The following SUMF1 variants were observed in gnomAD, a reference collection of about 807,000 sequenced individuals.
SUMF1 encodes formylglycine-generating enzyme.
SUMF1 carries 48 observed loss-of-function variants against 47.6 expected under a neutral mutation model. The observed-to-expected ratio is 1.01, with a 90% CI of 0.80 to 1.28. The LOEUF is 1.28. SUMF1 is among the 50% of genes most tolerant of loss of function. SUMF1 has a pLI of 0.00. For missense variants in SUMF1, 571 were observed against 485.4 expected, an observed-to-expected ratio of 1.18 and a Z score of -1.66; for synonymous variants, 230 against 192.1, an observed-to-expected ratio of 1.20 and a Z score of -1.63.
intron 8 of SUMF1, among the ~76,000 whole-genome samples, chr3:4,185,450 CA>C (rs151119006): frequency 0.12 from 17,535 of 152,116 alleles, 1,299 homozygotes; most frequent in Non-Finnish European, 0.16. Context: ...TGCTCCAGTC[CA>C]ATAACTACTA....
At chr3:4,064,182 T>C (rs813264) in intron 9 of SUMF1, among the ~76,000 whole-genome samples, 148,391 of 152,146 alleles carry the variant, frequency 0.98, 72,457 homozygotes, top group Middle Eastern at 1. Context: ...GCACAAGATA[T>C]AGGTCACAAA....
chr3:4,124,943 C>T (rs1693623343), intron 8 of SUMF1, among the ~76,000 whole-genome samples: 1 of 152,066 alleles, frequency 6.6e-6, no homozygotes, highest in South Asian at 2.1e-4. Flanking sequence ...ATTCAAAGAA[C>T]TGTCATTTCA....
intron 8 of SUMF1, among the ~76,000 whole-genome samples, chr3:4,262,120 C>T (rs897056483): frequency 5.3e-5 from 8 of 152,064 alleles, no homozygotes; most frequent in African/African-American, 1.9e-4. Flanking sequence ...GGCCTCAACC[C>T]AAGCAAAGAG....
chr3:4,441,453 A>C (rs1702584622), intron 3 of SUMF1, among the ~76,000 whole-genome samples: 1 of 152,160 alleles, frequency 6.6e-6, no homozygotes, highest in African/African-American at 2.4e-5. Flanking sequence ...TTTGCTTCAA[A>C]CATCCCAAAA....
intron 8 of SUMF1, among the ~76,000 whole-genome samples, chr3:4,212,407 G>A (rs1012510190): frequency 2.6e-5 from 4 of 151,998 alleles, no homozygotes; most frequent in South Asian, 2.1e-4. Flanking sequence ...CCTATCCGAC[G>A]GTCACCAACA....
At chr3:4,059,363 A>G (rs1695241746) in intron 9 of SUMF1, among the ~76,000 whole-genome samples, 1 of 152,110 alleles carries the variant, frequency 6.6e-6, no homozygotes, top group Non-Finnish European at 1.5e-5. Context: ...TCATAGGAGG[A>G]GGAAAAGAAG....
At chr3:4,197,636 C>T (rs1408918454) in intron 8 of SUMF1, among the ~76,000 whole-genome samples, 1 of 152,068 alleles carries the variant, frequency 6.6e-6, no homozygotes, top group Admixed American at 6.6e-5. Flanking sequence ...GCGGAGGATG[C>T]TACTTTTATA....
intron 7 of SUMF1, among the ~76,000 whole-genome samples, chr3:4,393,418 G>A (rs1163601464): frequency 1.3e-5 from 2 of 152,012 alleles, no homozygotes; most frequent in African/African-American, 2.4e-5. Flanking sequence ...CCATAGCCTC[G>A]ACCTCCTGGG....
At chr3:4,406,098 G>A (rs910420726) in intron 7 of SUMF1, among the ~76,000 whole-genome samples, 3 of 151,462 alleles carry the variant, frequency 2.0e-5, no homozygotes, top group Non-Finnish European at 4.4e-5. Context: ...TCATTAACTC[G>A]GCTGATGGAA....
At chr3:4,137,233 A>C (rs1197637393) in intron 8 of SUMF1, among the ~76,000 whole-genome samples, 2 of 152,066 alleles carry the variant, frequency 1.3e-5, no homozygotes, top group Non-Finnish European at 1.5e-5. Context: ...AAATGTCCAA[A>C]AATGATAGAC....
At chr3:4,249,744 T>C (rs1037318543) in intron 8 of SUMF1, among the ~76,000 whole-genome samples, 16 of 152,212 alleles carry the variant, frequency 1.1e-4, no homozygotes, top group African/African-American at 3.9e-4. Context: ...TTATGAATCT[T>C]AGTGAAAAAG....
chr3:4,107,087 T>A (rs192313379), intron 8 of SUMF1, among the ~76,000 whole-genome samples: 1 of 152,058 alleles, frequency 6.6e-6, no homozygotes, highest in Non-Finnish European at 1.5e-5. Context: ...CTGAGATCAA[T>A]AGCCCAAGGT....
intron 8 of SUMF1, among the ~76,000 whole-genome samples, chr3:4,082,384 G>A (rs921514950): frequency 3.9e-5 from 6 of 151,986 alleles, no homozygotes; most frequent in Admixed American, 2.0e-4. Flanking sequence ...TGGGAGAATC[G>A]CTTGAGCCTG....
rs73809542 is a variant in SUMF1, at chr3:4,403,965, G to A, written c.954+6900C>T. On this transcript the variant is annotated intron_variant, in intron 7 of 8. Transcript: ENST00000272902. ...AGTAGTTGTAACATGAGGCTCTGAG[G>A]GTCATTTTGTCCTGAAGTGGAAACA... Among the ~76,000 whole-genome samples, 546 of 152,252 alleles carry A rather than the reference G, an allele frequency of 3.6e-3. 3 individuals are homozygous for A. Among genetic ancestry groups the A allele is most frequent in the African/African-American group, 0.013 (522 of 41,554 alleles).
rs553446333 is a variant in SUMF1, at chr3:4,138,713, T to C, written c.1015-69968A>G. ...TATTTGGGCCCCTTTCAGACTTCACTTTATGCAACTTTTCCTTTGCCTGGT... is the reference window on the plus strand; with the variant it reads ...TATTTGGGCCCCTTTCAGACTTCACCTTATGCAACTTTTCCTTTGCCTGGT... On this transcript the variant is annotated intron_variant and NMD_transcript_variant, in intron 8 of 12. Coordinates refer to the SUMF1 transcript ENST00000448413. Among the ~76,000 whole-genome samples, 3 of 152,206 alleles carry C rather than the reference T, an allele frequency of 2.0e-5. No homozygotes were observed. The South Asian group carries it at 6.2e-4, about 32-fold the overall frequency.
chr3:4,297,890 A>C (rs1168357647), intron 8 of SUMF1, among the ~76,000 whole-genome samples: 1 of 152,220 alleles, frequency 6.6e-6, no homozygotes, highest in Non-Finnish European at 1.5e-5. Flanking sequence ...GCAGAACTTC[A>C]TAAAAACCCT....
intron 8 of SUMF1, among the ~76,000 whole-genome samples, chr3:4,367,960 G>A (rs1342127400): frequency 3.3e-5 from 5 of 151,972 alleles, no homozygotes; most frequent in African/African-American, 4.8e-5. Context: ...CAAAAGTAAT[G>A]GCAACAAAAG....
intron 8 of SUMF1, among the ~76,000 whole-genome samples, chr3:4,137,389 G>T (rs545326036): frequency 6.7e-6 from 1 of 148,814 alleles, no homozygotes; most frequent in East Asian, 2.0e-4. Context: ...ACCAAACACC[G>T]CATGTTCTCA....
chr3:4,034,556 T>C (rs1187354874), intron 9 of SUMF1, among the ~76,000 whole-genome samples: 1 of 152,082 alleles, frequency 6.6e-6, no homozygotes, highest in African/African-American at 2.4e-5. Context: ...GCAAAGAAAT[T>C]GCAGAAGCCC....
Sources: gnomAD v4.1 joint callset for allele counts (sites outside exome capture counted in the v4.1 genomes callset) on GRCh38, gnomAD v4.1.1 for gene constraint, MANE v1.5 for transcripts, NCBI Gene and HGNC (gene_info 2026-07-23, HGNC 2026-07-21) for gene names.